The following THSD7A variants were observed in gnomAD, a reference collection of about 807,000 sequenced individuals.
THSD7A encodes thrombospondin type 1 domain containing 7A, also known as thrombospondin type-1 domain-containing protein 7A.
THSD7A carries 96 observed loss-of-function variants against 231.3 expected under a neutral mutation model. That is an observed-to-expected ratio of 0.41 (90% CI 0.35 to 0.49). The LOEUF is 0.49. THSD7A is among the 20% of genes least tolerant of loss of function. The pLI is 0.05. For synonymous variants in THSD7A, 940 were observed against 743.3 expected, an observed-to-expected ratio of 1.26 and a Z score of -4.30; for missense variants, 2,290 against 2,070.2, an observed-to-expected ratio of 1.11 and a Z score of -2.06.
intron 6 of THSD7A, among the ~76,000 whole-genome samples, chr7:11,527,962 G>A (rs1268607264): frequency 1.3e-5 from 2 of 151,958 alleles, no homozygotes; most frequent in South Asian, 2.1e-4. Flanking sequence ...AGACCATCTC[G>A]GGCCATAGAG....
At chr7:11,821,887 A>G (rs2128187319) in intron 1 of THSD7A, among the ~76,000 whole-genome samples, 1 of 152,342 alleles carries the variant, frequency 6.6e-6, no homozygotes, top group Non-Finnish European at 1.5e-5. Flanking sequence ...TTATGATTTC[A>G]CATACTAAAC....
intron 6 of THSD7A, among the ~76,000 whole-genome samples, chr7:11,528,260 T>C (rs532382722): frequency 1.3e-5 from 2 of 152,318 alleles, no homozygotes; most frequent in Admixed American, 6.5e-5. Flanking sequence ...TTCTCTGCTC[T>C]CTGCCTTTCA....
intron 1 of THSD7A, among the ~76,000 whole-genome samples, chr7:11,700,787 G>A (rs1370585764): frequency 3.3e-5 from 5 of 150,944 alleles, no homozygotes; most frequent in African/African-American, 9.7e-5. Context: ...AGTTATTCCT[G>A]TATTCATGAC....
intron 6 of THSD7A, chr7:11,520,190 G>A (rs1183113964): frequency 6.6e-6 from 1 of 152,156 alleles, no homozygotes; most frequent in Non-Finnish European, 1.5e-5. Context: ...TGGAGAAACT[G>A]CAGGCATTTG....
At chr7:11,643,910 C>T (rs1470402391) in intron 1 of THSD7A, among the ~76,000 whole-genome samples, 2 of 152,058 alleles carry the variant, frequency 1.3e-5, no homozygotes, top group Non-Finnish European at 2.9e-5. Flanking sequence ...CCAAAATGTA[C>T]CAGTTTGGCC....
chr7:11,463,470 G>A (rs1210237502), intron 9 of THSD7A, among the ~76,000 whole-genome samples: 1 of 152,094 alleles, frequency 6.6e-6, no homozygotes, highest in Non-Finnish European at 1.5e-5. Flanking sequence ...AATCTTGCCA[G>A]GTATTTGGGA....
rs115636647 is a variant in THSD7A at position 11,723,566 on chromosome 7, A to T, written c.191-86605T>A. On this transcript the variant is annotated intron_variant, in intron 1 of 27. Transcript: ENST00000423059. ...ACTAAGAAAAACAAGCAGATATACC[A>T]GGCAAATTCAAAATGTTCATATTAT... 9.5e-3 allele frequency among the ~76,000 whole-genome samples: 1,452 copies of T among 152,046 alleles called. 30 individuals carry two copies. Among genetic ancestry groups the T allele is most frequent in the African/African-American group, 0.032 (1,308 of 41,512 alleles).
chr7:11,777,709 A>G (rs1293315223), intron 1 of THSD7A, among the ~76,000 whole-genome samples: 2 of 152,170 alleles, frequency 1.3e-5, no homozygotes, highest in Non-Finnish European at 2.9e-5. Context: ...CGTTGGAGAA[A>G]TCAGATTCAG....
At chr7:11,383,414 C>G (rs1361086801) in intron 23 of THSD7A, among the ~76,000 whole-genome samples, 3 of 151,922 alleles carry the variant, frequency 2.0e-5, no homozygotes, top group Non-Finnish European at 4.4e-5. Flanking sequence ...CTCTGAAGGT[C>G]AACTGTGTGC....
chr7:11,576,947 A>G (rs762675111), intron 4 of THSD7A, among the ~76,000 whole-genome samples: 2 of 152,224 alleles, frequency 1.3e-5, no homozygotes, highest in African/African-American at 4.8e-5. Context: ...AAGCAAATGC[A>G]TAGGGGAAGC....
chr7:11,655,190 A>G (rs1344910789), intron 1 of THSD7A, among the ~76,000 whole-genome samples: 4 of 151,880 alleles, frequency 2.6e-5, no homozygotes, highest in Admixed American at 2.6e-4. Context: ...TAAATTATCA[A>G]AGTGCTTCTG....
At chr7:11,531,692 G>A (rs577761978) in intron 6 of THSD7A, among the ~76,000 whole-genome samples, 16 of 152,304 alleles carry the variant, frequency 1.1e-4, no homozygotes, top group East Asian at 3.9e-4. Flanking sequence ...TGTGAACTAG[G>A]TTGGAAAAAT....
At chr7:11,754,010 T>C (rs561767280) in intron 1 of THSD7A, among the ~76,000 whole-genome samples, 1 of 152,030 alleles carries the variant, frequency 6.6e-6, no homozygotes, top group South Asian at 2.1e-4. Flanking sequence ...CACTTTATAT[T>C]AAATGTCTAT....
At chr7:11,730,924 T>C (rs1439900555) in intron 1 of THSD7A, among the ~76,000 whole-genome samples, 2 of 151,664 alleles carry the variant, frequency 1.3e-5, no homozygotes, top group Non-Finnish European at 3.0e-5. Flanking sequence ...CTATGACAAC[T>C]TTCAATTTCA....
chr7:11,664,213 G>A (rs1394642369), intron 1 of THSD7A, among the ~76,000 whole-genome samples: 1 of 150,826 alleles, frequency 6.6e-6, no homozygotes, highest in East Asian at 1.9e-4. Context: ...TTATGTGTTA[G>A]AAGAATAAAT....
chr7:11,546,223 C>CACACACACACACACACAA (rs371554481), intron 4 of THSD7A, among the ~76,000 whole-genome samples: 1,836 of 148,784 alleles, frequency 0.012, 34 homozygotes, highest in African/African-American at 0.041. Flanking sequence ...CACACACACA[C>CACACACACACACACACAA]ACACACACGT....
intron 1 of THSD7A, among the ~76,000 whole-genome samples, chr7:11,674,822 G>C (rs1055196480): frequency 6.6e-6 from 1 of 152,118 alleles, no homozygotes. Context: ...AGATTGAAAT[G>C]TCTGAAATAA....
At chr7:11,676,200 A>G (rs1189068340) in intron 1 of THSD7A, among the ~76,000 whole-genome samples, 1 of 152,198 alleles carries the variant, frequency 6.6e-6, no homozygotes, top group Non-Finnish European at 1.5e-5. Context: ...AAAACTGACA[A>G]ACAGAAAGCA....
At chr7:11,612,199 G>A (rs966232340) in intron 2 of THSD7A, among the ~76,000 whole-genome samples, 28 of 152,180 alleles carry the variant, frequency 1.8e-4, no homozygotes, top group African/African-American at 6.7e-4. Flanking sequence ...AACTGATTCT[G>A]ACAGTCATGA....
Sources: allele counts gnomAD v4.1 joint callset (sites outside exome capture counted in the v4.1 genomes callset), GRCh38; gene constraint gnomAD v4.1.1; transcripts MANE v1.5; gene names NCBI Gene and HGNC (gene_info 2026-07-23, HGNC 2026-07-21).